The following STK33 variants were observed in gnomAD, a reference collection of about 807,000 sequenced individuals.
STK33 encodes the protein serine/threonine-protein kinase 33.
In STK33, 52 loss-of-function variants were observed where a neutral mutation model predicts 58.0. The ratio of observed to expected loss-of-function variants is 0.90; its 90% CI spans 0.72 to 1.13. The LOEUF is 1.13. Ranked by LOEUF, STK33 falls within the 50% of genes most tolerant of loss-of-function variation. The pLI is 0.00. For missense variants in STK33, 630 were observed against 604.2 expected (o/e 1.04, Z -0.45); for synonymous variants, 215 against 200.1 (o/e 1.07, Z -0.63).
chr11:8,336,612 T>C, the STK33 span, among the ~76,000 whole-genome samples: 1 of 152,220 alleles, frequency 6.6e-6, no homozygotes, highest in Non-Finnish European at 1.5e-5. Flanking sequence ...TGCCAAATGG[T>C]GCTATGACCC....
At chr11:8,521,428 G>C (rs1428345161) in intron 1 of STK33, among the ~76,000 whole-genome samples, 1 of 152,182 alleles carries the variant, frequency 6.6e-6, no homozygotes, top group African/African-American at 2.4e-5. Flanking sequence ...GCCATATGTA[G>C]AAAGCTGAAA....
At chr11:8,478,686 T>C (rs949723253) in intron 2 of STK33, among the ~76,000 whole-genome samples, 2 of 152,138 alleles carry the variant, frequency 1.3e-5, no homozygotes, top group African/African-American at 4.8e-5. Context: ...TTGCTAAGAC[T>C]GTGTCTACAA....
At chr11:8,458,112 G>A (rs189676531) in intron 8 of STK33, among the ~76,000 whole-genome samples, 1 of 152,248 alleles carries the variant, frequency 6.6e-6, no homozygotes, top group East Asian at 1.9e-4. Flanking sequence ...GGGTGCACGT[G>A]TATGATATTA....
At chr11:8,384,546 T>C in the STK33 span, among the ~76,000 whole-genome samples, 4 of 152,260 alleles carry the variant, frequency 2.6e-5, no homozygotes, top group African/African-American at 9.6e-5. Context: ...CCTTGTTCAC[T>C]TTTATGTTCC....
At chr11:8,570,321 G>A (rs925392110) in intron 1 of STK33, among the ~76,000 whole-genome samples, 2 of 152,142 alleles carry the variant, frequency 1.3e-5, no homozygotes, top group South Asian at 2.1e-4. Flanking sequence ...TGTTGATGGC[G>A]GGAATGTAAA....
chr11:8,501,590 C>T (rs562739652), intron 1 of STK33, among the ~76,000 whole-genome samples: 1 of 152,142 alleles, frequency 6.6e-6, no homozygotes, highest in African/African-American at 2.4e-5. Context: ...CCTCCATATA[C>T]TGCTGGTGGG....
chr11:8,395,504 A>G (rs1028677321), intron 15 of STK33, among the ~76,000 whole-genome samples: 5 of 152,216 alleles, frequency 3.3e-5, no homozygotes, highest in African/African-American at 1.2e-4. Context: ...ACAGACAAAT[A>G]CATTCATCTA....
chr11:8,437,398 C>T (rs1182496967), intron 12 of STK33, among the ~76,000 whole-genome samples: 1 of 152,184 alleles, frequency 6.6e-6, no homozygotes, highest in East Asian at 1.9e-4. Flanking sequence ...ACTGTCAACT[C>T]CAACATCTGA....
At chr11:8,507,668 C>T (rs1951969820) in intron 1 of STK33, among the ~76,000 whole-genome samples, 1 of 152,110 alleles carries the variant, frequency 6.6e-6, no homozygotes, top group South Asian at 2.1e-4. Flanking sequence ...AAACCTCTGT[C>T]TCCACATAAG....
chr11:8,440,243 C>A (rs1944570818), intron 12 of STK33, among the ~76,000 whole-genome samples: 1 of 152,026 alleles, frequency 6.6e-6, no homozygotes, highest in African/African-American at 2.4e-5. Flanking sequence ...CTCCCTAGAT[C>A]CTAAGTGACC....
the STK33 span, among the ~76,000 whole-genome samples, chr11:8,352,587 T>C: frequency 6.6e-6 from 1 of 152,154 alleles, no homozygotes; most frequent in East Asian, 1.9e-4. Context: ...CAGCATCCAG[T>C]GTAAAAGAAA....
At chr11:8,438,076 T>C (rs961175372) in intron 12 of STK33, among the ~76,000 whole-genome samples, 2 of 152,240 alleles carry the variant, frequency 1.3e-5, no homozygotes, top group African/African-American at 4.8e-5. Flanking sequence ...ACCAGTGATA[T>C]GCACATCCAC....
At chr11:8,434,246 CAAA>C (rs11330436) in intron 14 of STK33, 315 of 93,998 alleles carry the variant, frequency 3.4e-3, no homozygotes, top group South Asian at 0.014. Context: ...GACTCCGTCT[CAAA>C]AAAAAAAAAA....
At chr11:8,573,350 T>C (rs1957953040) in intron 1 of STK33, among the ~76,000 whole-genome samples, 2 of 152,152 alleles carry the variant, frequency 1.3e-5, no homozygotes, top group Admixed American at 1.3e-4. Context: ...CCAACATCAT[T>C]AGGCTTTGGG....
intron 1 of STK33, among the ~76,000 whole-genome samples, chr11:8,488,367 AG>A (rs1342149946): frequency 6.6e-6 from 1 of 152,250 alleles, no homozygotes; most frequent in East Asian, 1.9e-4. Context: ...CTAGGAATCT[AG>A]GAAGCTACAC....
intron 15 of STK33, among the ~76,000 whole-genome samples, chr11:8,405,277 T>C (rs1177718308): frequency 1.3e-5 from 2 of 152,248 alleles, no homozygotes; most frequent in Admixed American, 1.3e-4. Context: ...TTGGCCGTTC[T>C]AGAAAGTATG....
At chr11:8,347,267 G>T in the STK33 span, among the ~76,000 whole-genome samples, 1 of 152,144 alleles carries the variant, frequency 6.6e-6, no homozygotes, top group Admixed American at 6.5e-5. Flanking sequence ...CTGCCTTTTG[G>T]GCTTCACTGG....
chr11:8,576,104 A>C (rs1401294913), intron 1 of STK33, among the ~76,000 whole-genome samples: 1 of 152,144 alleles, frequency 6.6e-6, no homozygotes, highest in Non-Finnish European at 1.5e-5. Context: ...CAGCAAACAG[A>C]AACTGGGCAT....
At chr11:8,409,694 T>TA (rs1377612880) in intron 15 of STK33, among the ~76,000 whole-genome samples, 7 of 152,200 alleles carry the variant, frequency 4.6e-5, no homozygotes, top group African/African-American at 1.7e-4. Context: ...CCCACACTTA[T>TA]ACCCAAAGGA....
Sources: allele counts gnomAD v4.1 joint callset (sites outside exome capture counted in the v4.1 genomes callset), GRCh38; gene constraint gnomAD v4.1.1; transcripts MANE v1.5; gene names NCBI Gene and HGNC (gene_info 2026-07-23, HGNC 2026-07-21).